ANKRD6: variants seen among roughly 807,000 people sequenced by gnomAD.
The protein encoded by ANKRD6 is ankyrin repeat domain-containing protein 6.
A neutral mutation model predicts 82.3 loss-of-function variants in ANKRD6; 56 were observed. The ratio of observed to expected loss-of-function variants is 0.68; its 90% CI spans 0.55 to 0.85. The LOEUF (loss-of-function observed/expected upper bound fraction) is 0.85, where lower values mean the gene tolerates loss of function less well. Ranked by LOEUF, ANKRD6 falls within the 40% of genes least tolerant of loss-of-function variation. The pLI is 0.00. For missense variants in ANKRD6, 852 were observed against 907.6 expected (o/e 0.94, Z 0.79); for synonymous variants, 347 against 352.1 (o/e 0.99, Z 0.16).
intron 2 of ANKRD6, among the ~76,000 whole-genome samples, chr6:89,581,204 T>A (rs1413236138): frequency 6.6e-6 from 1 of 152,230 alleles, no homozygotes; most frequent in Non-Finnish European, 1.5e-5. Flanking sequence ...ACCAATCCCC[T>A]ATTGATGGAT....
intron 1 of ANKRD6, chr6:89,561,499 G>T (rs1787417160): frequency 6.6e-6 from 1 of 152,234 alleles, no homozygotes; most frequent in East Asian, 1.9e-4. Flanking sequence ...TGTGGGAGTA[G>T]ATCTTCTCAG....
At chr6:89,440,465 A>T (rs1336261486) in intron 1 of ANKRD6, among the ~76,000 whole-genome samples, 1 of 152,180 alleles carries the variant, frequency 6.6e-6, no homozygotes, top group Non-Finnish European at 1.5e-5. Context: ...CCTGGTGGAG[A>T]GAGGAGAAGG....
At chr6:89,608,368 C>CACACACACACACACACACTATATATATA in intron 5 of ANKRD6, among the ~76,000 whole-genome samples, 144 of 130,770 alleles carry the variant, frequency 1.1e-3, no homozygotes, top group African/African-American at 4.1e-3. Context: ...CACACACACA[C>CACACACACACACACACACTATATATATA]TATATATATA....
intron 1 of ANKRD6, among the ~76,000 whole-genome samples, chr6:89,487,666 C>T (rs535523200): frequency 2.6e-5 from 4 of 152,310 alleles, no homozygotes; most frequent in East Asian, 3.9e-4. Flanking sequence ...TAAAGCATTT[C>T]GCCATCAAAT....
intron 13 of ANKRD6, 92 bp from the exon 14 acceptor site, chr6:89,627,491 C>A: frequency 9.2e-7 from 1 of 1,092,734 alleles, no homozygotes; most frequent in Non-Finnish European, 1.4e-6. Context: ...GGGGCTCCTA[C>A]TTGGTTCCCC....
At chr6:89,625,273 A>T (rs1369179283) in intron 13 of ANKRD6, among the ~76,000 whole-genome samples, 1 of 150,740 alleles carries the variant, frequency 6.6e-6, no homozygotes, top group East Asian at 1.9e-4. Context: ...ACAGAGCAAG[A>T]CTCTGTCTAG....
intron 13 of ANKRD6, among the ~76,000 whole-genome samples, chr6:89,626,533 A>G (rs1183298204): frequency 6.6e-6 from 1 of 152,248 alleles, no homozygotes; most frequent in Non-Finnish European, 1.5e-5. Flanking sequence ...ACAGGAAAAC[A>G]TGGACTGAAG....
intron 1 of ANKRD6, among the ~76,000 whole-genome samples, chr6:89,455,947 C>T (rs1022427364): frequency 6.6e-6 from 1 of 151,988 alleles, no homozygotes; most frequent in African/African-American, 2.4e-5. Context: ...AATCTTGGCT[C>T]ACTGCAACCT....
chr6:89,561,160 G>A (rs1277214053), intron 1 of ANKRD6: 2 of 152,184 alleles, frequency 1.3e-5, no homozygotes, highest in Non-Finnish European at 2.9e-5. Context: ...TCTTGGAAGG[G>A]TATGTCACAG....
At chr6:89,496,695 T>C (rs1336348326) in intron 1 of ANKRD6, among the ~76,000 whole-genome samples, 1 of 152,148 alleles carries the variant, frequency 6.6e-6, no homozygotes, top group Non-Finnish European at 1.5e-5. Flanking sequence ...GCTAATTTTT[T>C]GTATTTTTAG....
chr6:89,549,921 AG>A (rs67204241), intron 1 of ANKRD6, among the ~76,000 whole-genome samples: 36,222 of 149,408 alleles, frequency 0.24, 5,034 homozygotes, highest in Middle Eastern at 0.33. Context: ...TTTAAAAAAA[AG>A]AAAAGAAAAA....
intron 5 of ANKRD6, among the ~76,000 whole-genome samples, chr6:89,611,224 A>G (rs1403319862): frequency 6.6e-6 from 1 of 151,352 alleles, no homozygotes; most frequent in African/African-American, 2.4e-5. Context: ...AATCTGATAT[A>G]CTGGAGTATC....
chr6:89,484,847 T>C (rs1777188837), intron 1 of ANKRD6, among the ~76,000 whole-genome samples: 1 of 152,220 alleles, frequency 6.6e-6, no homozygotes, highest in South Asian at 2.1e-4. Flanking sequence ...TGAACTTAAT[T>C]AGTGGAGTTT....
intron 1 of ANKRD6, chr6:89,504,913 T>A (rs1292463882): frequency 6.6e-6 from 1 of 152,226 alleles, no homozygotes; most frequent in Non-Finnish European, 1.5e-5. Context: ...ACTCCTGACA[T>A]CACAGCTTCT....
intron 1 of ANKRD6, among the ~76,000 whole-genome samples, chr6:89,547,207 G>T (rs1785210702): frequency 6.9e-6 from 1 of 144,468 alleles, no homozygotes; most frequent in South Asian, 2.2e-4. Flanking sequence ...TGGGGGGGGG[G>T]TTACATATGT....
At chr6:89,475,996 C>T (rs1775985989) in intron 1 of ANKRD6, among the ~76,000 whole-genome samples, 1 of 152,084 alleles carries the variant, frequency 6.6e-6, no homozygotes, top group African/African-American at 2.4e-5. Flanking sequence ...TTACAGGTAT[C>T]TTTAGCAAAG....
At chr6:89,522,714 T>C (rs1168755726) in intron 1 of ANKRD6, among the ~76,000 whole-genome samples, 1 of 152,026 alleles carries the variant, frequency 6.6e-6, no homozygotes, top group Non-Finnish European at 1.5e-5. Flanking sequence ...CCCCAGAAAA[T>C]TTAGGGAGTA....
chr6:89,582,420 G>C (rs1388335066), intron 2 of ANKRD6, among the ~76,000 whole-genome samples: 1 of 151,994 alleles, frequency 6.6e-6, no homozygotes, highest in Non-Finnish European at 1.5e-5. Flanking sequence ...TGAACTCCTG[G>C]GCTCAAGCAG....
At chr6:89,614,479 C>G (rs1801004389) in intron 7 of ANKRD6, among the ~76,000 whole-genome samples, 1 of 152,100 alleles carries the variant, frequency 6.6e-6, no homozygotes, top group South Asian at 2.1e-4. Context: ...AACCCTGTCT[C>G]TACCAAAAAT....
Sources: gnomAD v4.1 joint callset for allele counts (sites outside exome capture counted in the v4.1 genomes callset) on GRCh38, gnomAD v4.1.1 for gene constraint, MANE v1.5 for transcripts, NCBI Gene and HGNC (gene_info 2026-07-23, HGNC 2026-07-21) for gene names.